Variants in PRKCB observed in about 807,000 individuals in gnomAD.
PRKCB encodes protein kinase C beta.
In PRKCB, 13 loss-of-function variants were observed where a neutral mutation model predicts 81.5. The ratio of observed to expected loss-of-function variants is 0.16; its 90% CI spans 0.10 to 0.25. PRKCB has a LOEUF of 0.25. PRKCB is among the 10% of genes least tolerant of loss of function. The pLI is 1.00. For synonymous variants in PRKCB, 335 were observed against 321.4 expected, an observed-to-expected ratio of 1.04 and a Z score of -0.45; for missense variants, 509 against 875.7, an observed-to-expected ratio of 0.58 and a Z score of 5.29.
chr16:24,201,588 G>T (rs1228437348), intron 16 of PRKCB, among the ~76,000 whole-genome samples: 13 of 152,198 alleles, frequency 8.5e-5, no homozygotes, highest in Admixed American at 7.9e-4. Flanking sequence ...TGCACCAGGG[G>T]GATGGAATGT....
chr16:24,049,510 C>G (rs556210254), intron 5 of PRKCB, among the ~76,000 whole-genome samples: 1 of 150,242 alleles, frequency 6.7e-6, no homozygotes, highest in Non-Finnish European at 1.5e-5. Context: ...AACTATTACC[C>G]TGGCACAACC....
intron 7 of PRKCB, among the ~76,000 whole-genome samples, chr16:24,109,373 G>T (rs1356882582): frequency 3.9e-4 from 41 of 105,918 alleles, no homozygotes; most frequent in African/African-American, 6.1e-4. Context: ...AGGCGGAGGG[G>T]CTCCTCACTT....
At chr16:24,195,068 T>C (rs989110778) in intron 16 of PRKCB, among the ~76,000 whole-genome samples, 1 of 152,016 alleles carries the variant, frequency 6.6e-6, no homozygotes, top group African/African-American at 2.4e-5. Flanking sequence ...GTGGGCGTGA[T>C]AGCATCCACC....
intron 5 of PRKCB, among the ~76,000 whole-genome samples, chr16:24,038,224 G>A (rs947706308): frequency 6.6e-6 from 1 of 152,024 alleles, no homozygotes; most frequent in South Asian, 2.1e-4. Context: ...AAAAGGCCAG[G>A]TGTGGTGGCT....
intron 3 of PRKCB, among the ~76,000 whole-genome samples, chr16:23,989,641 A>T (rs1964852108): frequency 1.3e-5 from 2 of 152,352 alleles, no homozygotes; most frequent in South Asian, 2.1e-4. Context: ...TAAACAAAAG[A>T]TAAACTGATT....
intron 2 of PRKCB, among the ~76,000 whole-genome samples, chr16:23,885,277 G>T (rs1004504262): frequency 6.6e-6 from 1 of 151,982 alleles, no homozygotes; most frequent in Non-Finnish European, 1.5e-5. Context: ...GAGATCCTGT[G>T]GCTTTTTACC....
rs1009037329 is a variant in PRKCB at position 23,867,275 on chromosome 16, C to G, written c.205+29869C>G. Among the ~76,000 whole-genome samples, 3 of 151,844 alleles carry G rather than the reference C, an allele frequency of 2.0e-5. No individual in the cohort carries two copies. In the South Asian group the frequency reaches 6.2e-4, roughly 31 times the overall value. On this transcript the variant is annotated intron_variant, in intron 2 of 16. Transcript: ENST00000643927. The stretch of plus-strand genomic sequence containing the variant: ...TTAGTAGCTGGGATTACTGCCACCT[C>G]ACCTGGCTGATTTTTTTTGTATTTT...
chr16:24,166,539 G>A (rs1253721903), intron 10 of PRKCB, among the ~76,000 whole-genome samples: 4 of 152,054 alleles, frequency 2.6e-5, no homozygotes, highest in South Asian at 2.1e-4. Context: ...CACAATATAC[G>A]TTAAAACAAA....
At chr16:23,970,293 C>T (rs541424423) in intron 2 of PRKCB, among the ~76,000 whole-genome samples, 2 of 152,310 alleles carry the variant, frequency 1.3e-5, no homozygotes, top group African/African-American at 4.8e-5. Context: ...CTCATTTGTA[C>T]ATACACTCTG....
chr16:23,986,173 G>A (rs141615287), intron 2 of PRKCB, among the ~76,000 whole-genome samples: 436 of 152,286 alleles, frequency 2.9e-3, no homozygotes, highest in African/African-American at 0.01. Context: ...TGTTTGAGGT[G>A]TACTTGGACT....
rs1210475340 is a variant in PRKCB at position 23,874,452 on chromosome 16, G to A, written c.205+37046G>A. ...GTGAAACGTCCTAGATATAAGAAAT[G>A]CCTGTAAATGAAACCTTAAGAGTTT... On this transcript the variant is annotated intron_variant, in intron 2 of 16. Transcript: ENST00000643927. Among the ~76,000 whole-genome samples the A allele has an allele frequency of 3.9e-5, 6 of 152,092 alleles. No homozygotes were observed. The East Asian group carries it at 9.6e-4, about 24-fold the overall frequency.
chr16:24,026,713 G>C (rs1379870471), intron 3 of PRKCB, among the ~76,000 whole-genome samples: 2 of 152,222 alleles, frequency 1.3e-5, no homozygotes, highest in Non-Finnish European at 2.9e-5. Context: ...CCTAGGTCTT[G>C]GAGAGGAGCT....
At chr16:24,116,378 G>A (rs902282664) in intron 8 of PRKCB, among the ~76,000 whole-genome samples, 1 of 151,736 alleles carries the variant, frequency 6.6e-6, no homozygotes, top group Non-Finnish European at 1.5e-5. Context: ...GCAACATAGC[G>A]ACCCTACCTC....
chr16:23,999,241 G>C (rs1033348627), intron 3 of PRKCB, among the ~76,000 whole-genome samples: 1 of 152,218 alleles, frequency 6.6e-6, no homozygotes, highest in African/African-American at 2.4e-5. Context: ...CTGGTGTGCA[G>C]CAAGTTCGTG....
chr16:23,888,351 G>C (rs16972950), intron 2 of PRKCB, among the ~76,000 whole-genome samples: 1 of 152,110 alleles, frequency 6.6e-6, no homozygotes, highest in Non-Finnish European at 1.5e-5. Context: ...GGGCCTATTG[G>C]CTCCATGAGT....
At chr16:24,074,429 AAC>A (rs1266146825) in intron 5 of PRKCB, among the ~76,000 whole-genome samples, 1 of 152,222 alleles carries the variant, frequency 6.6e-6, no homozygotes, top group African/African-American at 2.4e-5. Context: ...GGAAAACAGT[AAC>A]ACTCACATCA....
intron 2 of PRKCB, among the ~76,000 whole-genome samples, chr16:23,847,004 CAGG>C (rs1384419585): frequency 6.6e-6 from 1 of 152,178 alleles, no homozygotes. Context: ...CCTACAGAGT[CAGG>C]AGGAGAACTC....
At chr16:24,022,272 C>A (rs929143189) in intron 3 of PRKCB, among the ~76,000 whole-genome samples, 4 of 151,946 alleles carry the variant, frequency 2.6e-5, no homozygotes, top group Admixed American at 1.3e-4. Flanking sequence ...GCAGAGGTCC[C>A]AAATCCAAAT....
chr16:23,983,221 G>C lies in PRKCB; in HGVS notation c.206-5287G>C, dbSNP rs75739611. 2.7e-4 allele frequency among the ~76,000 whole-genome samples: 41 copies of C among 152,176 alleles called. No homozygotes were observed. In the East Asian group the frequency reaches 6.2e-3, roughly 23 times the overall value. On this transcript the variant is annotated intron_variant, in intron 2 of 16. Transcript: ENST00000643927. Reference sequence around the variant, plus strand: ...AAAAGGATTTGATTTCTTTAAATAGGCAGCCCTACTATTTTCTTCAAAGTG... The same window carrying C: ...AAAAGGATTTGATTTCTTTAAATAGCCAGCCCTACTATTTTCTTCAAAGTG...
Sources: gnomAD v4.1 joint callset for allele counts (sites outside exome capture counted in the v4.1 genomes callset) on GRCh38, gnomAD v4.1.1 for gene constraint, MANE v1.5 for transcripts, NCBI Gene and HGNC (gene_info 2026-07-23, HGNC 2026-07-21) for gene names.